GLB1L2: variants seen among roughly 807,000 people sequenced by gnomAD.
The protein encoded by GLB1L2 is beta-galactosidase-1-like protein 2.
A neutral mutation model predicts 84.1 loss-of-function variants in GLB1L2; 68 were observed. The observed-to-expected ratio is 0.81, with a 90% CI of 0.67 to 0.99. The LOEUF is 0.99. Ranked by LOEUF, GLB1L2 falls within the 50% of genes least tolerant of loss-of-function variation. The probability of loss-of-function intolerance (pLI) is 0.00; values close to 1 mark genes in which losing one functional copy is unlikely to be tolerated. For synonymous variants in GLB1L2, 290 were observed against 318.0 expected (o/e 0.91, Z 0.94); for missense variants, 762 against 805.6 (o/e 0.95, Z 0.66).
chr11:134,373,607 C>T (rs1263025250), intron 15 of GLB1L2, 114 bp from the exon 16 acceptor site: 15 of 692,534 alleles, frequency 2.2e-5, no homozygotes, highest in East Asian at 7.5e-5. Context: ...TCTCAGGGAG[C>T]GTACACTTCA....
intron 10 of GLB1L2, among the ~76,000 whole-genome samples, chr11:134,369,482 G>GGGATTACAGGTGTGAGCCA (rs1943912557): frequency 7.5e-5 from 4 of 53,592 alleles, no homozygotes; most frequent in Non-Finnish European, 8.8e-5. Context: ...GGTGCGAGCT[G>GGGATTACAGGTGTGAGCCA]CTGCACAAGC....
At chr11:134,349,498 T>C (rs1344160666) in intron 5 of GLB1L2, among the ~76,000 whole-genome samples, 1 of 152,074 alleles carries the variant, frequency 6.6e-6, no homozygotes, top group Admixed American at 6.6e-5. Flanking sequence ...CTACATTCAG[T>C]TTTTTTTAGG....
intron 2 of GLB1L2, among the ~76,000 whole-genome samples, chr11:134,343,747 G>A (rs1471103375): frequency 6.6e-6 from 1 of 152,220 alleles, no homozygotes; most frequent in Non-Finnish European, 1.5e-5. Flanking sequence ...CGCAGAAGCA[G>A]CACCGACGAC....
At chr11:134,353,295 A>G (rs373602323) in intron 5 of GLB1L2, among the ~76,000 whole-genome samples, 4 of 152,122 alleles carry the variant, frequency 2.6e-5, no homozygotes, top group African/African-American at 9.7e-5. Flanking sequence ...CTGTAATCCC[A>G]GCTACTTGGG....
rs1944012715 is a variant in GLB1L2, at chr11:134,375,376, A to G, written c.*318A>G. The G allele has an allele frequency of 1.2e-5, 4 of 326,226 alleles. No individual in the cohort carries two copies. The highest frequency in any genetic ancestry group is 2.2e-5 in the Non-Finnish European group (4 of 178,698). 20.2% of individuals were successfully genotyped at this position (326,226 alleles called of 1,614,324 possible). A position where few individuals can be genotyped will look rare whatever the true frequency, so the allele number is the denominator to read the frequency against. The stretch of plus-strand genomic sequence containing the variant: ...TTTGGCCCTCAGAAAAAGTGCTGAA[A>G]CGTGCCCTTGCACTGGACGTCACAG... On this transcript the variant is annotated 3_prime_UTR_variant, in exon 19 of 19. Transcript: ENST00000535456.
At chr11:134,335,047 G>A (rs1172346907) in intron 1 of GLB1L2, among the ~76,000 whole-genome samples, 1 of 152,054 alleles carries the variant, frequency 6.6e-6, no homozygotes, top group East Asian at 1.9e-4. Context: ...CCTTCATGTG[G>A]GCAGCCAGCA....
intron 6 of GLB1L2, 100 bp from the exon 7 acceptor site, chr11:134,358,960 T>G (rs1943743559): frequency 1.3e-6 from 1 of 784,046 alleles, no homozygotes; most frequent in East Asian, 2.8e-5. Context: ...ATTTGTCATC[T>G]CTCCTTCTAG....
At chr11:134,337,273 T>C (rs1014352614) in intron 1 of GLB1L2, among the ~76,000 whole-genome samples, 1 of 152,228 alleles carries the variant, frequency 6.6e-6, no homozygotes, top group Non-Finnish European at 1.5e-5. Context: ...GCAAGATGCA[T>C]ATACTTGCCT....
At chr11:134,361,823 T>A (rs1375296201) in intron 7 of GLB1L2, among the ~76,000 whole-genome samples, 1 of 152,134 alleles carries the variant, frequency 6.6e-6, no homozygotes, top group Non-Finnish European at 1.5e-5. Context: ...ACAGGATGTT[T>A]CTTGGTGCTC....
chr11:134,349,933 C>G (rs1037829958), intron 5 of GLB1L2, among the ~76,000 whole-genome samples: 1 of 152,156 alleles, frequency 6.6e-6, no homozygotes, highest in South Asian at 2.1e-4. Flanking sequence ...GGGCCTGGAA[C>G]GAGGGCCTCT....
chr11:134,365,426 T>G (rs946959432), intron 8 of GLB1L2, among the ~76,000 whole-genome samples: 2 of 152,238 alleles, frequency 1.3e-5, no homozygotes, highest in African/African-American at 2.4e-5. Flanking sequence ...CCTCTCATAC[T>G]TGTGACTGAG....
Position 134,375,060 on chromosome 11 carries a change from C to T in GLB1L2, c.*2C>T, listed in dbSNP as rs774022762. On this transcript the variant is annotated 3_prime_UTR_variant, in exon 19 of 19. Transcript: ENST00000535456. ...GGCAGGAACCAGTACATTAAGTGAG[C>T]GGTGGCACCCCCTCCTGCTGGTGCC... The T allele has an allele frequency of 2.2e-5, 35 of 1,611,924 alleles. 1 individual carries two copies. The highest frequency in any genetic ancestry group is 1.8e-4 in the East Asian group (8 of 44,870).
chr11:134,351,987 T>C (rs1014108815), intron 5 of GLB1L2, among the ~76,000 whole-genome samples: 1 of 152,214 alleles, frequency 6.6e-6, no homozygotes, highest in African/African-American at 2.4e-5. Flanking sequence ...TCCTTCCCTT[T>C]CAATTTTTGG....
chr11:134,370,253 T>C lies in GLB1L2; in HGVS notation c.1109-40T>C. The C allele has an allele frequency of 6.4e-7, 1 of 1,551,144 alleles. No homozygotes were observed. The highest frequency in any genetic ancestry group is 8.9e-7 in the Non-Finnish European group (1 of 1,122,880). ...TGGGGAGGACGAGCAGGCAGTGACA[T>C]TTGGGTCCGTTGGGGGTGACCCTGT... On this transcript the variant is annotated intron_variant, in intron 11 of 18. Coordinates refer to ENST00000535456, the MANE Select transcript of GLB1L2 (RefSeq NM_001370461.1). This position sits in a 1 kb window ranked among gnomAD's most constrained non-coding sequence, Gnocchi z 4.7.
At chr11:134,343,583 A>T (rs1175246215) in intron 2 of GLB1L2, among the ~76,000 whole-genome samples, 1 of 152,198 alleles carries the variant, frequency 6.6e-6, no homozygotes, top group East Asian at 1.9e-4. Flanking sequence ...AAAATATGTG[A>T]TTACAAATCA....
At chr11:134,364,196 C>T in intron 7 of GLB1L2, 132 bp from the exon 8 acceptor site, 1 of 711,832 alleles carries the variant, frequency 1.4e-6, no homozygotes, top group Non-Finnish European at 2.4e-6. Flanking sequence ...TGACTTCTAA[C>T]TGGAGGTGGG....
At chr11:134,364,667 T>C (rs1428794660) in intron 8 of GLB1L2, 7 of 408,212 alleles carry the variant, frequency 1.7e-5, no homozygotes, top group East Asian at 4.0e-5. Flanking sequence ...GACTCGACTT[T>C]TGTGGCCTCA....
chr11:134,360,545 C>G lies in GLB1L2; in HGVS notation c.733+1404C>G, dbSNP rs375124991. ...CACGTTTTAGCGCTTGGCGGCCTCC[C>G]GGTTTCAGGCCTTGCAAGGAAGCCC... On this transcript the variant is annotated intron_variant, in intron 7 of 18. Transcript: ENST00000535456. 3.3e-5 allele frequency: 5 copies of G among 152,186 alleles called. No individual in the cohort carries two copies. In the East Asian group the frequency reaches 7.7e-4, roughly 24 times the overall value. The allele number at this position is 152,186 out of a possible 1,614,324, so 9.4% of individuals were successfully genotyped here.
At chr11:134,353,586 G>A (rs1943664739) in intron 5 of GLB1L2, among the ~76,000 whole-genome samples, 1 of 143,718 alleles carries the variant, frequency 7.0e-6, no homozygotes, top group Non-Finnish European at 1.6e-5. Flanking sequence ...TCCTCTATTT[G>A]GTTACTAATT....
Sources: gnomAD v4.1 joint callset for allele counts (sites outside exome capture counted in the v4.1 genomes callset) on GRCh38, gnomAD v4.1.1 for gene constraint, Gnocchi (gnomAD v3.1) non-coding constraint, MANE v1.5 for transcripts, NCBI Gene and HGNC (gene_info 2026-07-23, HGNC 2026-07-21) for gene names.